DENND5A: variants seen among roughly 807,000 people sequenced by gnomAD.
The protein encoded by DENND5A is DENN domain-containing protein 5A.
In DENND5A, 64 loss-of-function variants were observed where a neutral mutation model predicts 140.3. That is an observed-to-expected ratio of 0.46 (90% CI 0.37 to 0.56). The LOEUF is 0.56. DENND5A is among the 20% of genes least tolerant of loss of function. DENND5A has a pLI of 0.00. For missense variants in DENND5A, 1,292 were observed against 1,593.8 expected, an observed-to-expected ratio of 0.81 and a Z score of 3.22; for synonymous variants, 605 against 607.7, an observed-to-expected ratio of 1.00 and a Z score of 0.07.
intron 4 of DENND5A, among the ~76,000 whole-genome samples, chr11:9,197,875 G>A (rs954889507): frequency 6.6e-6 from 1 of 152,110 alleles, no homozygotes; most frequent in Non-Finnish European, 1.5e-5. Flanking sequence ...TTAATTATAT[G>A]CCTTAAGCAA....
chr11:9,139,036 G>A lies in DENND5A; in HGVS notation c.*635C>T, dbSNP rs991909645. 1.3e-5 allele frequency: 2 copies of A among 151,006 alleles called. No homozygotes were observed. The highest frequency in any genetic ancestry group is 2.4e-5 in the African/African-American group (1 of 40,954). 9.4% of individuals were successfully genotyped at this position (151,006 alleles called of 1,614,324 possible). ...AGAAAAGAAAAACCTGTTAAAACAT[G>A]CTTATGTTTACTTCTGTGAAACTGT... is the stretch of plus-strand genomic sequence containing the variant. On this transcript the variant is annotated 3_prime_UTR_variant, in exon 23 of 23. Coordinates refer to ENST00000328194, the MANE Select transcript of DENND5A (RefSeq NM_015213.4).
intron 1 of DENND5A, among the ~76,000 whole-genome samples, chr11:9,253,904 T>A (rs1465196398): frequency 6.6e-6 from 1 of 151,984 alleles, no homozygotes; most frequent in African/African-American, 2.4e-5. Flanking sequence ...ACACCTGTAA[T>A]CCCAGCACTT....
chr11:9,174,122 A>G (rs1231365735), intron 8 of DENND5A, among the ~76,000 whole-genome samples: 9 of 149,788 alleles, frequency 6.0e-5, no homozygotes, highest in Non-Finnish European at 7.4e-5. Context: ...AAAAAAAAAA[A>G]AAAAAAAGAA....
chr11:9,247,976 G>A (rs1375238410), intron 1 of DENND5A, among the ~76,000 whole-genome samples: 3 of 152,002 alleles, frequency 2.0e-5, no homozygotes, highest in African/African-American at 4.8e-5. Context: ...TTGGAATTTG[G>A]TTATCTTTGG....
At chr11:9,189,035 G>A (rs1418154035) in intron 5 of DENND5A, among the ~76,000 whole-genome samples, 5 of 152,196 alleles carry the variant, frequency 3.3e-5, no homozygotes, top group Non-Finnish European at 7.3e-5. Flanking sequence ...GGGGGCCTAG[G>A]AGGAAAAAGT....
At chr11:9,154,111 A>G (rs1452868938) in intron 12 of DENND5A, among the ~76,000 whole-genome samples, 3 of 152,260 alleles carry the variant, frequency 2.0e-5, no homozygotes, top group African/African-American at 7.2e-5. Context: ...TATAATAATG[A>G]TAGAAGCTAC....
At chr11:9,246,377 C>T (rs1393151001) in intron 1 of DENND5A, among the ~76,000 whole-genome samples, 1 of 152,010 alleles carries the variant, frequency 6.6e-6, no homozygotes, top group Non-Finnish European at 1.5e-5. Flanking sequence ...CTTTGGGAGG[C>T]CCAGGCGGGA....
At chr11:9,157,885 G>C (rs1438716073) in intron 12 of DENND5A, among the ~76,000 whole-genome samples, 1 of 152,186 alleles carries the variant, frequency 6.6e-6, no homozygotes, top group Non-Finnish European at 1.5e-5. Context: ...ATTTCAGAAA[G>C]TGCAAGTTGC....
At chr11:9,254,158 GAAAA>G (rs10718465) in intron 1 of DENND5A, among the ~76,000 whole-genome samples, 34 of 91,878 alleles carry the variant, frequency 3.7e-4, no homozygotes, top group Non-Finnish European at 5.8e-4. Flanking sequence ...CTCTGTCTCA[GAAAA>G]AAAAAAAAAA....
chr11:9,180,617 G>A, intron 6 of DENND5A, 150 bp downstream of exon 6: 2 of 735,400 alleles, frequency 2.7e-6, no homozygotes, highest in Non-Finnish European at 4.5e-6. Flanking sequence ...CTGCCAGATG[G>A]AATTCAGAGT....
intron 12 of DENND5A, among the ~76,000 whole-genome samples, chr11:9,159,800 C>G (rs1847920598): frequency 6.6e-6 from 1 of 152,184 alleles, no homozygotes; most frequent in African/African-American, 2.4e-5. Flanking sequence ...TGAAAGTTCC[C>G]ATTTCTCCAC....
At position 9,147,042 on chromosome 11, in the gene DENND5A, A is replaced by G; in HGVS notation, c.2845T>C (p.Phe949Leu). ...AVDYFCFTNV[F>L]TTILIPYHIL... The stretch of plus-strand genomic sequence containing the variant: ...CAGGGCTACTCACGGATAGTTGTGA[A>G]GACATTGGTGAAGCAAAAGTAATCG... Residue 949 changes from phenylalanine (F) to leucine (L), a missense_variant, in exon 16 of 23, where the codon TTC (phenylalanine) becomes CTC (leucine). Phe to Leu is a conservative substitution (Grantham distance 22). This residue lies in a region of DENND5A where 498 missense variants were observed against 689.7 expected (regional missense o/e 0.72). Transcript: ENST00000328194. 1 of 1,614,226 alleles carries G rather than the reference A, an allele frequency of 6.2e-7. No homozygotes were observed.
At chr11:9,190,607 T>C (rs1340967769) in intron 5 of DENND5A, among the ~76,000 whole-genome samples, 1 of 152,188 alleles carries the variant, frequency 6.6e-6, no homozygotes, top group East Asian at 1.9e-4. Context: ...TAAACCTCTT[T>C]CTTTTGTAAA....
chr11:9,264,885 G>A, intron 1 of DENND5A, 76 bp downstream of exon 1: 5 of 1,311,422 alleles, frequency 3.8e-6, no homozygotes, highest in South Asian at 3.8e-5. Flanking sequence ...ACAAAGCGGG[G>A]CTGAAGGAAG....
At chr11:9,234,270 AAG>A (rs1256178865) in intron 1 of DENND5A, among the ~76,000 whole-genome samples, 8 of 152,114 alleles carry the variant, frequency 5.3e-5, no homozygotes, top group African/African-American at 1.4e-4. Context: ...TTTCCTAAGA[AAG>A]AGAGATTCAA....
At chr11:9,227,213 C>CAAAT (rs1251979115) in intron 1 of DENND5A, among the ~76,000 whole-genome samples, 14 of 126,752 alleles carry the variant, frequency 1.1e-4, no homozygotes, top group Non-Finnish European at 1.8e-4. Flanking sequence ...AATAAATAAG[C>CAAAT]AAGCAAGCAC....
At chr11:9,170,289 G>T (rs1848327379) in intron 9 of DENND5A, 1 of 984,666 alleles carries the variant, frequency 1.0e-6, no homozygotes, top group African/African-American at 1.7e-5. Context: ...CTACTTTTCA[G>T]TTCAGGTTCT....
intron 12 of DENND5A, among the ~76,000 whole-genome samples, chr11:9,158,880 G>C (rs1004499109): frequency 2.6e-5 from 4 of 152,244 alleles, no homozygotes; most frequent in South Asian, 2.1e-4. Context: ...CACTTTTAAA[G>C]TATGCAATTT....
chr11:9,202,726 C>T (rs946085379), intron 4 of DENND5A, among the ~76,000 whole-genome samples: 1 of 152,142 alleles, frequency 6.6e-6, no homozygotes, highest in Non-Finnish European at 1.5e-5. Flanking sequence ...CACTCCATTC[C>T]ATCCACCCAG....
Sources: gnomAD v4.1 joint callset for allele counts (sites outside exome capture counted in the v4.1 genomes callset) on GRCh38, gnomAD v4.1.1 for gene constraint, gnomAD v4.1.1 regional missense constraint, MANE v1.5 for transcripts, NCBI Gene and HGNC (gene_info 2026-07-23, HGNC 2026-07-21) for gene names.